Variants in SMURF2 observed in about 807,000 individuals in gnomAD.
SMURF2 encodes E3 ubiquitin-protein ligase SMURF2.
A neutral mutation model predicts 109.6 loss-of-function variants in SMURF2; 48 were observed. That is an observed-to-expected ratio of 0.44 (90% CI 0.35 to 0.56). The LOEUF is 0.56. SMURF2 is among the 20% of genes least tolerant of loss of function. The probability of loss-of-function intolerance (pLI) is 0.01; values close to 1 mark genes in which losing one functional copy is unlikely to be tolerated. For synonymous variants in SMURF2, 288 were observed against 317.1 expected (o/e 0.91, Z 0.97); for missense variants, 575 against 909.0 (o/e 0.63, Z 4.72).
chr17:64,571,925 C>CA lies in SMURF2; in HGVS notation c.888dup (p.Gly297TrpfsTer11). The CA allele has an allele frequency of 6.2e-7, 1 of 1,613,354 alleles. No individual in the cohort carries two copies. The highest frequency in any genetic ancestry group is 8.5e-7 in the Non-Finnish European group (1 of 1,179,728). ...ATCTCCCATCCAGGAGGCAATGGAC[C>CA]AAGCTCTTCACAATTGATGTTGCTA... On this transcript the variant is annotated frameshift_variant, in exon 10 of 19. Transcript: ENST00000262435. LOFTEE classifies it high-confidence loss of function.
At chr17:64,633,711 AAT>A (rs1330853602) in intron 1 of SMURF2, among the ~76,000 whole-genome samples, 1 of 152,176 alleles carries the variant, frequency 6.6e-6, no homozygotes, top group Non-Finnish European at 1.5e-5. Context: ...CTGAGCCTTC[AAT>A]AATATGCTGA....
chr17:64,654,227 A>G (rs2144737452), intron 1 of SMURF2, among the ~76,000 whole-genome samples: 1 of 152,314 alleles, frequency 6.6e-6, no homozygotes, highest in Middle Eastern at 3.4e-3. Context: ...TTTAAACTTT[A>G]TGTCTGCTAC....
intron 13 of SMURF2, 73 bp downstream of exon 13, chr17:64,557,535 T>C (rs1969140032): frequency 2.9e-6 from 3 of 1,017,250 alleles, no homozygotes; most frequent in Non-Finnish European, 4.5e-6. Flanking sequence ...AATTTCTATA[T>C]AATAAACTAC....
chr17:64,653,459 T>A (rs554766014), intron 1 of SMURF2, among the ~76,000 whole-genome samples: 1 of 92,714 alleles, frequency 1.1e-5, no homozygotes, highest in South Asian at 4.9e-4. Flanking sequence ...GGTACAACTT[T>A]GAAAAAAAAA....
intron 1 of SMURF2, among the ~76,000 whole-genome samples, chr17:64,642,834 G>A (rs1248546662): frequency 6.6e-6 from 1 of 151,294 alleles, no homozygotes; most frequent in Non-Finnish European, 1.5e-5. Flanking sequence ...TTCCTCTGTC[G>A]CCCCAGTTGC....
At chr17:64,575,875 G>T (rs782630298) in intron 9 of SMURF2, among the ~76,000 whole-genome samples, 3 of 151,882 alleles carry the variant, frequency 2.0e-5, no homozygotes, top group Non-Finnish European at 4.4e-5. Flanking sequence ...GTTGTAACTG[G>T]ACTACTTGGT....
At chr17:64,658,229 C>T (rs1218814717) in intron 1 of SMURF2, among the ~76,000 whole-genome samples, 1 of 152,002 alleles carries the variant, frequency 6.6e-6, no homozygotes, top group African/African-American at 2.4e-5. Context: ...TGGTGGTGGG[C>T]GCCTGTAATC....
chr17:64,620,262 CTACA>C (rs1970184284), intron 1 of SMURF2, among the ~76,000 whole-genome samples: 1 of 152,200 alleles, frequency 6.6e-6, no homozygotes, highest in Admixed American at 6.5e-5. Context: ...CAAAAAACTT[CTACA>C]TAGATTGTTT....
chr17:64,653,388 C>G (rs974736189), intron 1 of SMURF2, among the ~76,000 whole-genome samples: 1 of 151,738 alleles, frequency 6.6e-6, no homozygotes, highest in Admixed American at 6.6e-5. Context: ...AAGACAGTAT[C>G]AAGTGCTGAC....
chr17:64,653,858 A>G (rs1970670961), intron 1 of SMURF2, among the ~76,000 whole-genome samples: 1 of 152,230 alleles, frequency 6.6e-6, no homozygotes, highest in African/African-American at 2.4e-5. Flanking sequence ...ATATTTATAA[A>G]TGGATAAACA....
intron 1 of SMURF2, among the ~76,000 whole-genome samples, chr17:64,638,156 C>A (rs1333119113): frequency 6.6e-6 from 1 of 150,612 alleles, no homozygotes; most frequent in African/African-American, 2.5e-5. Flanking sequence ...ACCTCCACCT[C>A]CTGGGTTCAA....
chr17:64,584,361 C>CTTT (rs372682588), intron 6 of SMURF2, among the ~76,000 whole-genome samples: 6 of 112,754 alleles, frequency 5.3e-5, no homozygotes, highest in Non-Finnish European at 5.3e-5. Context: ...CTTTTTTTTT[C>CTTT]TTTTTTTTTT....
intron 1 of SMURF2, among the ~76,000 whole-genome samples, chr17:64,612,658 A>G (rs150520135): frequency 1.6e-4 from 24 of 152,260 alleles, no homozygotes; most frequent in African/African-American, 5.8e-4. Flanking sequence ...TGAGCAACAG[A>G]GTGAGACACT....
Position 64,578,476 on chromosome 17 carries a change from T to A in SMURF2, c.857+16A>T. On this transcript the variant is annotated intron_variant, in intron 9 of 18. Transcript: ENST00000262435. ...GCTCTTTGATGGTCTAAAGAGTGCT[T>A]AAAATACGTTCTTACCTGGGCACTC... 1 of 1,579,500 alleles carries A rather than the reference T, an allele frequency of 6.3e-7. No individual in the cohort carries two copies. The highest frequency in any genetic ancestry group is 8.7e-7 in the Non-Finnish European group (1 of 1,149,574).
At chr17:64,630,998 T>A (rs1970331663) in intron 1 of SMURF2, among the ~76,000 whole-genome samples, 1 of 151,548 alleles carries the variant, frequency 6.6e-6, no homozygotes, top group African/African-American at 2.4e-5. Flanking sequence ...AAAGGCTGGG[T>A]TAGTGCATAA....
At chr17:64,613,673 AGTGTGTGTGTGTGTGTGTGTGTGTGTGT>A (rs61060865) in intron 1 of SMURF2, among the ~76,000 whole-genome samples, 17 of 20,794 alleles carry the variant, frequency 8.2e-4, no homozygotes, top group African/African-American at 1.8e-3. Flanking sequence ...TCCACGGACC[AGTGTGTGTGTGTGTGTGTGTGTGTGTGT>A]GTGTGTGTGT....
rs193234125 is a variant in SMURF2, at chr17:64,654,754, A to G, written c.52+7075T>C. 3.0e-3 allele frequency among the ~76,000 whole-genome samples: 464 copies of G among 152,280 alleles called. 2 individuals are homozygous for G. The highest frequency in any genetic ancestry group is 0.011 in the African/African-American group (451 of 41,560). On this transcript the variant is annotated intron_variant, in intron 1 of 18. Coordinates refer to ENST00000262435, the MANE Select transcript of SMURF2 (RefSeq NM_022739.4). ...TGAGGCAGGAGAATCGCTTGAACCC[A>G]GGAGGCAGAGGTTGCAGTGAGCCGA...
At chr17:64,604,124 T>G (rs1555688837) in intron 2 of SMURF2, among the ~76,000 whole-genome samples, 1 of 152,200 alleles carries the variant, frequency 6.6e-6, no homozygotes, top group African/African-American at 2.4e-5. Flanking sequence ...TCTGTATAAG[T>G]ATACATGTAA....
intron 10 of SMURF2, among the ~76,000 whole-genome samples, chr17:64,564,595 A>T (rs1969274944): frequency 6.6e-6 from 1 of 152,176 alleles, no homozygotes; most frequent in Non-Finnish European, 1.5e-5. Context: ...TCTTTATAAG[A>T]AGAGGGAAAT....
Sources: allele counts gnomAD v4.1 joint callset (sites outside exome capture counted in the v4.1 genomes callset), GRCh38; gene constraint gnomAD v4.1.1; transcripts MANE v1.5; gene names NCBI Gene and HGNC (gene_info 2026-07-23, HGNC 2026-07-21).